KCNT2: variants seen among roughly 807,000 people sequenced by gnomAD.
The protein encoded by KCNT2 is potassium sodium-activated channel subfamily T member 2.
KCNT2 carries 67 observed loss-of-function variants against 153.8 expected under a neutral mutation model. That is an observed-to-expected ratio of 0.44 (90% CI 0.36 to 0.53). KCNT2 has a LOEUF of 0.53. Ranked by LOEUF, KCNT2 falls within the 20% of genes least tolerant of loss-of-function variation. KCNT2 has a pLI of 0.00. For synonymous variants in KCNT2, 500 were observed against 458.8 expected, an observed-to-expected ratio of 1.09 and a Z score of -1.15; for missense variants, 975 against 1,354.8, an observed-to-expected ratio of 0.72 and a Z score of 4.40.
chr1:196,228,820 C>A (rs1163628221), intron 27 of KCNT2, among the ~76,000 whole-genome samples: 1 of 151,980 alleles, frequency 6.6e-6, no homozygotes, highest in Admixed American at 6.6e-5. Flanking sequence ...TTGATGTAAG[C>A]AATTTCTATA....
chr1:196,601,361 A>G (rs754103717), intron 1 of KCNT2, among the ~76,000 whole-genome samples: 48 of 152,186 alleles, frequency 3.2e-4, no homozygotes, highest in Non-Finnish European at 1.0e-4. Flanking sequence ...AAGTTCGCAT[A>G]TGTATTTTTA....
chr1:196,316,102 T>A, intron 20 of KCNT2, 76 bp from the exon 21 acceptor site: 1 of 1,353,800 alleles, frequency 7.4e-7, no homozygotes, highest in Admixed American at 2.0e-5. Context: ...AGTCTAGCAC[T>A]ATCCCCTGTG....
At chr1:196,280,819 A>G in intron 25 of KCNT2, 41 bp downstream of exon 25, 1 of 1,561,776 alleles carries the variant, frequency 6.4e-7, no homozygotes, top group African/African-American at 1.4e-5. Flanking sequence ...TGCACTCATC[A>G]GATTAAACAT....
chr1:196,518,254 A>G (rs943609080), intron 1 of KCNT2, among the ~76,000 whole-genome samples: 1 of 152,166 alleles, frequency 6.6e-6, no homozygotes, highest in Admixed American at 6.5e-5. Context: ...TAGAATAGAC[A>G]TCGAAAGAAG....
intron 13 of KCNT2, among the ~76,000 whole-genome samples, chr1:196,390,754 T>C (rs1253024356): frequency 6.6e-6 from 1 of 151,362 alleles, no homozygotes; most frequent in African/African-American, 2.4e-5. Flanking sequence ...TGCATACACA[T>C]GTATTTGTGT....
At chr1:196,358,211 T>G (rs971250477) in intron 14 of KCNT2, among the ~76,000 whole-genome samples, 3 of 151,794 alleles carry the variant, frequency 2.0e-5, no homozygotes, top group African/African-American at 7.3e-5. Flanking sequence ...TCCTAAATAT[T>G]TCTATGAGAT....
intron 25 of KCNT2, among the ~76,000 whole-genome samples, chr1:196,280,035 T>C (rs1397068297): frequency 2.6e-5 from 4 of 152,166 alleles, no homozygotes; most frequent in African/African-American, 9.7e-5. Context: ...AAATTTCTTT[T>C]TAATTTGTAA....
chr1:196,457,967 G>A (rs911669877), intron 8 of KCNT2, among the ~76,000 whole-genome samples: 8 of 151,832 alleles, frequency 5.3e-5, no homozygotes, highest in African/African-American at 1.5e-4. Context: ...GAAGAGGAAC[G>A]TTTGAGTTAT....
chr1:196,470,679 A>T (rs1224370971), intron 5 of KCNT2, among the ~76,000 whole-genome samples: 1 of 152,114 alleles, frequency 6.6e-6, no homozygotes, highest in Non-Finnish European at 1.5e-5. Flanking sequence ...GGCAACTTCA[A>T]CCCAGAAACT....
At position 196,519,988 on chromosome 1, in the gene KCNT2, C is replaced by T. The variant is rs576646840; in HGVS notation, c.96-27647G>A. ...AAACGATACTAAAACCTGGCAGAGGCACAACAACAACAGCAAAAAGAAAAC... is the reference window on the plus strand; with the variant it reads ...AAACGATACTAAAACCTGGCAGAGGTACAACAACAACAGCAAAAAGAAAAC... On this transcript the variant is annotated intron_variant, in intron 1 of 27. Coordinates refer to ENST00000294725, the MANE Select transcript of KCNT2 (RefSeq NM_198503.5). 2.6e-5 allele frequency among the ~76,000 whole-genome samples: 4 copies of T among 152,036 alleles called. No individual in the cohort carries two copies. In the South Asian group the frequency reaches 8.3e-4, roughly 32 times the overall value.
At chr1:196,371,519 A>T (rs915523486) in intron 14 of KCNT2, among the ~76,000 whole-genome samples, 1 of 152,090 alleles carries the variant, frequency 6.6e-6, no homozygotes, top group South Asian at 2.1e-4. Flanking sequence ...ATTTCAATAA[A>T]TCTACTATAA....
At chr1:196,545,877 AC>A (rs1657018360) in intron 1 of KCNT2, among the ~76,000 whole-genome samples, 1 of 151,918 alleles carries the variant, frequency 6.6e-6, no homozygotes, top group African/African-American at 2.4e-5. Context: ...TCCATATTGT[AC>A]CTTGTATCAT....
At chr1:196,254,849 A>G (rs544189431) in intron 26 of KCNT2, among the ~76,000 whole-genome samples, 1 of 151,756 alleles carries the variant, frequency 6.6e-6, no homozygotes, top group Non-Finnish European at 1.5e-5. Flanking sequence ...AATTTCCTTG[A>G]CAAAAAAATA....
chr1:196,286,611 T>C (rs1421985175), intron 22 of KCNT2, among the ~76,000 whole-genome samples: 2 of 146,980 alleles, frequency 1.4e-5, no homozygotes, highest in South Asian at 2.1e-4. Context: ...ACTAATCTTC[T>C]GTATATCACA....
At chr1:196,601,337 G>C (rs1194950039) in intron 1 of KCNT2, among the ~76,000 whole-genome samples, 1 of 152,122 alleles carries the variant, frequency 6.6e-6, no homozygotes, top group Non-Finnish European at 1.5e-5. Context: ...TTATAGCCTA[G>C]CACAACTGTA....
chr1:196,541,184 T>C (rs1057466331), intron 1 of KCNT2, among the ~76,000 whole-genome samples: 1 of 151,950 alleles, frequency 6.6e-6, no homozygotes, highest in Non-Finnish European at 1.5e-5. Context: ...AAAATTATTA[T>C]ATCTCTTAGT....
At chr1:196,536,067 T>A (rs1232096006) in intron 1 of KCNT2, among the ~76,000 whole-genome samples, 1 of 152,176 alleles carries the variant, frequency 6.6e-6, no homozygotes, top group Non-Finnish European at 1.5e-5. Context: ...GCCACAGCAG[T>A]AATAAAGGGA....
intron 1 of KCNT2, among the ~76,000 whole-genome samples, chr1:196,527,094 T>C (rs140398597): frequency 1.3e-3 from 204 of 152,262 alleles, no homozygotes; most frequent in African/African-American, 4.6e-3. Flanking sequence ...AGTAGAACAG[T>C]TTCATGCCAA....
At chr1:196,577,678 C>T (rs557981487) in intron 1 of KCNT2, among the ~76,000 whole-genome samples, 9 of 152,062 alleles carry the variant, frequency 5.9e-5, no homozygotes, top group East Asian at 1.9e-4. Context: ...CTCAAGATTC[C>T]GAGAGCACTG....
Sources: gnomAD v4.1 joint callset for allele counts (sites outside exome capture counted in the v4.1 genomes callset) on GRCh38, gnomAD v4.1.1 for gene constraint, MANE v1.5 for transcripts, NCBI Gene and HGNC (gene_info 2026-07-23, HGNC 2026-07-21) for gene names.